KIAA0825: variants seen among roughly 807,000 people sequenced by gnomAD.
KIAA0825 encodes KIAA0825.
Under a neutral mutation model 147.6 loss-of-function variants are expected in KIAA0825, and 119 were observed. The ratio of observed to expected loss-of-function variants is 0.81; its 90% CI spans 0.69 to 0.94. The LOEUF (loss-of-function observed/expected upper bound fraction) is 0.94. Among genes scored for constraint, KIAA0825 ranks in the 40% least tolerant of loss-of-function variants. The pLI, the probability that KIAA0825 is intolerant of heterozygous loss-of-function variation, is 0.00. For missense variants in KIAA0825, 1,381 were observed against 1,472.7 expected, an observed-to-expected ratio of 0.94 and a Z score of 1.02; for synonymous variants, 470 against 518.1, an observed-to-expected ratio of 0.91 and a Z score of 1.26.
At chr5:94,329,950 A>G (rs942967295) in intron 20 of KIAA0825, among the ~76,000 whole-genome samples, 121 of 152,320 alleles carry the variant, frequency 7.9e-4, no homozygotes, top group Admixed American at 7.8e-3. Flanking sequence ...ACAGAGTAAG[A>G]TGAAGAGACC....
chr5:94,284,906 A>G (rs899897062), intron 20 of KIAA0825, among the ~76,000 whole-genome samples: 1 of 152,076 alleles, frequency 6.6e-6, no homozygotes, highest in Non-Finnish European at 1.5e-5. Flanking sequence ...TAATTTCTAT[A>G]TGGTGATTTG....
At chr5:94,226,414 G>T (rs1774171744) in intron 20 of KIAA0825, among the ~76,000 whole-genome samples, 1 of 152,090 alleles carries the variant, frequency 6.6e-6, no homozygotes, top group Non-Finnish European at 1.5e-5. Context: ...TACACTGTTG[G>T]TGGGAGTGTA....
At chr5:94,187,417 T>TA (rs1770234712) in intron 20 of KIAA0825, among the ~76,000 whole-genome samples, 1 of 148,942 alleles carries the variant, frequency 6.7e-6, no homozygotes, top group African/African-American at 2.5e-5. Context: ...TTTTTTTTTT[T>TA]TTTTTTAATT....
chr5:94,274,886 C>T (rs984418589), intron 20 of KIAA0825, among the ~76,000 whole-genome samples: 1 of 152,096 alleles, frequency 6.6e-6, no homozygotes, highest in African/African-American at 2.4e-5. Flanking sequence ...ACTAGGCTGG[C>T]TTGTGTCACG....
At chr5:94,292,736 G>T (rs1285231032) in intron 20 of KIAA0825, among the ~76,000 whole-genome samples, 1 of 152,032 alleles carries the variant, frequency 6.6e-6, no homozygotes, top group Non-Finnish European at 1.5e-5. Context: ...CTGTGAATCT[G>T]TCTGATCCTG....
chr5:94,370,503 T>A (rs1291761661), intron 20 of KIAA0825, among the ~76,000 whole-genome samples: 1 of 152,124 alleles, frequency 6.6e-6, no homozygotes, highest in Non-Finnish European at 1.5e-5. Flanking sequence ...AAAAATAAAA[T>A]TAAAATTTTT....
At chr5:94,174,087 T>C (rs1215163417) in intron 20 of KIAA0825, among the ~76,000 whole-genome samples, 5 of 152,210 alleles carry the variant, frequency 3.3e-5, no homozygotes, top group Non-Finnish European at 1.5e-5. Context: ...ACTTAAAATA[T>C]TTAACATGAA....
At chr5:94,304,235 C>T (rs913084590) in intron 20 of KIAA0825, among the ~76,000 whole-genome samples, 9 of 152,026 alleles carry the variant, frequency 5.9e-5, no homozygotes, top group Admixed American at 3.3e-4. Flanking sequence ...TCACATGAAA[C>T]GAAGACAAGT....
At chr5:94,563,271 T>G (rs1418323119) in intron 2 of KIAA0825, among the ~76,000 whole-genome samples, 1 of 150,620 alleles carries the variant, frequency 6.6e-6, no homozygotes, top group Non-Finnish European at 1.5e-5. Context: ...GGCCAGGGAA[T>G]GGCGTGAACC....
chr5:94,389,040 A>AC (rs1749557912), intron 18 of KIAA0825, among the ~76,000 whole-genome samples: 2 of 152,098 alleles, frequency 1.3e-5, no homozygotes, highest in Admixed American at 1.3e-4. Flanking sequence ...TCTGAGAATG[A>AC]CCCTGTATGG....
intron 20 of KIAA0825, among the ~76,000 whole-genome samples, chr5:94,273,119 T>C (rs969218560): frequency 6.6e-6 from 1 of 152,346 alleles, no homozygotes; most frequent in African/African-American, 2.4e-5. Context: ...ATAAGTAAGT[T>C]ACTTAACTTC....
intron 9 of KIAA0825, 125 bp from the exon 10 acceptor site, chr5:94,470,236 A>C: frequency 1.7e-6 from 1 of 583,626 alleles, no homozygotes; most frequent in Non-Finnish European, 2.6e-6. Flanking sequence ...TTAATGCTGA[A>C]GTCTGCATCC....
chr5:94,176,216 G>A (rs1333957452), intron 20 of KIAA0825, among the ~76,000 whole-genome samples: 2 of 152,036 alleles, frequency 1.3e-5, no homozygotes, highest in African/African-American at 4.8e-5. Flanking sequence ...TCCCACAAGA[G>A]CAGGTTTTTA....
intron 20 of KIAA0825, among the ~76,000 whole-genome samples, chr5:94,311,188 G>A (rs1265121893): frequency 6.6e-6 from 1 of 150,782 alleles, no homozygotes; most frequent in South Asian, 2.1e-4. Flanking sequence ...GATTAAAATG[G>A]GTTTGTCAGT....
intron 20 of KIAA0825, among the ~76,000 whole-genome samples, chr5:94,323,590 T>A (rs1780407525): frequency 6.6e-6 from 1 of 151,980 alleles, no homozygotes; most frequent in Middle Eastern, 3.4e-3. Context: ...AAAAGTGTAT[T>A]CAGTAAAAGA....
intron 5 of KIAA0825, among the ~76,000 whole-genome samples, chr5:94,488,952 C>T (rs1242636696): frequency 1.3e-5 from 2 of 152,226 alleles, no homozygotes; most frequent in Non-Finnish European, 2.9e-5. Context: ...CTACTCACTT[C>T]TGAGATATTC....
intron 20 of KIAA0825, among the ~76,000 whole-genome samples, chr5:94,293,713 T>C (rs1172743712): frequency 2.0e-5 from 3 of 152,268 alleles, no homozygotes; most frequent in African/African-American, 7.2e-5. Context: ...CAGTGGGGTG[T>C]TAAAGTCTTC....
chr5:94,399,206 T>G (rs895498763), intron 16 of KIAA0825, among the ~76,000 whole-genome samples: 1 of 152,184 alleles, frequency 6.6e-6, no homozygotes, highest in African/African-American at 2.4e-5. Context: ...CAAATCTTCC[T>G]TAGTGTTCTT....
intron 20 of KIAA0825, among the ~76,000 whole-genome samples, chr5:94,276,638 A>G (rs530765730): frequency 1.1e-4 from 17 of 152,274 alleles, no homozygotes; most frequent in Admixed American, 2.0e-4. Flanking sequence ...AAATGTCTGC[A>G]TAGTGTTTTT....
Sources: allele counts gnomAD v4.1 joint callset (sites outside exome capture counted in the v4.1 genomes callset), GRCh38; gene constraint gnomAD v4.1.1; transcripts MANE v1.5; gene names NCBI Gene and HGNC (gene_info 2026-07-23, HGNC 2026-07-21).